The following NAALADL2 variants were observed in gnomAD, a reference collection of about 807,000 sequenced individuals.
The protein encoded by NAALADL2 is inactive N-acetylated-alpha-linked acidic dipeptidase-like protein 2.
NAALADL2 carries 76 observed loss-of-function variants against 87.2 expected under a neutral mutation model. The observed-to-expected ratio is 0.87, with a 90% CI of 0.72 to 1.05. The LOEUF is 1.05. Ranked by LOEUF, NAALADL2 falls within the 50% of genes least tolerant of loss-of-function variation. The probability of loss-of-function intolerance (pLI) is 0.00; values close to 1 mark genes in which losing one functional copy is unlikely to be tolerated. For synonymous variants in NAALADL2, 354 were observed against 331.0 expected, an observed-to-expected ratio of 1.07 and a Z score of -0.75; for missense variants, 1,089 against 945.8, an observed-to-expected ratio of 1.15 and a Z score of -1.99.
intron 2 of NAALADL2, among the ~76,000 whole-genome samples, chr3:175,200,804 A>G (rs1006605216): frequency 2.6e-5 from 4 of 152,318 alleles, no homozygotes; most frequent in Non-Finnish European, 2.9e-5. Context: ...TTTCTAAAAC[A>G]CAAAACAGGT....
chr3:174,845,186 C>T (rs899859124), intron 3 of NAALADL2, among the ~76,000 whole-genome samples: 2 of 152,178 alleles, frequency 1.3e-5, no homozygotes, highest in African/African-American at 2.4e-5. Context: ...GACTGAATGG[C>T]TGTGCAGGAC....
At chr3:175,765,152 A>G (rs1177838400) in intron 13 of NAALADL2, among the ~76,000 whole-genome samples, 1 of 152,170 alleles carries the variant, frequency 6.6e-6, no homozygotes, top group Non-Finnish European at 1.5e-5. Flanking sequence ...CTATGTATGC[A>G]TACAAAATTT....
At chr3:174,528,972 G>A (rs1338602027) in intron 1 of NAALADL2, among the ~76,000 whole-genome samples, 2 of 151,880 alleles carry the variant, frequency 1.3e-5, no homozygotes, top group Non-Finnish European at 1.5e-5. Flanking sequence ...CAAATCTCAC[G>A]TCCCCACATT....
chr3:175,803,119 G>A lies in NAALADL2; in HGVS notation c.2304G>A (p.Glu768=). The A allele has an allele frequency of 6.2e-7, 1 of 1,612,510 alleles. No homozygotes were observed. The highest frequency in any genetic ancestry group is 8.5e-7 in the Non-Finnish European group (1 of 1,179,018). The part of the protein sequence containing the change: ...SNETLQEALS[E]VLNSINSAQV... Reference sequence around the variant, plus strand: ...AGACCCTTCAAGAAGCCCTGTCAGAGGTGTTGAACAGCATTAATTCAGCTC... The same window carrying A: ...AGACCCTTCAAGAAGCCCTGTCAGAAGTGTTGAACAGCATTAATTCAGCTC... Residue 768 remains glutamate (E), a synonymous_variant, in exon 14 of 14, where the codon GAG becomes GAA. Coordinates refer to ENST00000454872, the MANE Select transcript of NAALADL2 (RefSeq NM_207015.3).
chr3:174,851,362 TAAAAA>T (rs34003047), intron 3 of NAALADL2, among the ~76,000 whole-genome samples: 10 of 107,844 alleles, frequency 9.3e-5, no homozygotes, highest in South Asian at 3.0e-4. Context: ...TCAGCCAGAC[TAAAAA>T]AAAAAAAAAA....
At chr3:175,744,489 A>G (rs1465211493) in intron 12 of NAALADL2, among the ~76,000 whole-genome samples, 1 of 152,254 alleles carries the variant, frequency 6.6e-6, no homozygotes, top group Non-Finnish European at 1.5e-5. Flanking sequence ...CCATATTAGA[A>G]AAAACAAGCA....
chr3:175,210,316 TAAAAAAAGA>T (rs2109256909), intron 2 of NAALADL2, among the ~76,000 whole-genome samples: 1 of 151,742 alleles, frequency 6.6e-6, no homozygotes, highest in Non-Finnish European at 1.5e-5. Context: ...TGGTAAGAAT[TAAAAAAAGA>T]AACATTCCAT....
chr3:175,426,313 C>T (rs1716776886), intron 5 of NAALADL2, among the ~76,000 whole-genome samples: 1 of 152,088 alleles, frequency 6.6e-6, no homozygotes. Context: ...CAGTGAGCCA[C>T]AATTTGGCCA....
At chr3:174,574,138 C>T (rs144150878) in intron 2 of NAALADL2, among the ~76,000 whole-genome samples, 36 of 152,310 alleles carry the variant, frequency 2.4e-4, no homozygotes, top group African/African-American at 7.7e-4. Flanking sequence ...AACTTCTACT[C>T]ATCTTCAAAC....
intron 1 of NAALADL2, among the ~76,000 whole-genome samples, chr3:174,963,982 T>G (rs1450016851): frequency 6.6e-6 from 1 of 152,080 alleles, no homozygotes; most frequent in East Asian, 1.9e-4. Context: ...GCATGGAATG[T>G]ACCATAATAA....
intron 2 of NAALADL2, among the ~76,000 whole-genome samples, chr3:175,201,202 C>G (rs1254879515): frequency 6.6e-6 from 1 of 152,072 alleles, no homozygotes; most frequent in African/African-American, 2.4e-5. Context: ...AACCCTTTCC[C>G]CAGGCAGATC....
intron 3 of NAALADL2, among the ~76,000 whole-genome samples, chr3:174,814,006 C>T (rs77553017): frequency 0.041 from 6,201 of 152,098 alleles, 131 homozygotes; most frequent in Middle Eastern, 0.095. Flanking sequence ...TATAATGATA[C>T]GTATTTCATA....
At chr3:175,472,636 G>T (rs368258908) in intron 9 of NAALADL2, among the ~76,000 whole-genome samples, 2 of 152,234 alleles carry the variant, frequency 1.3e-5, no homozygotes, top group African/African-American at 4.8e-5. Context: ...CATAATTTTT[G>T]ATTGAAGTGT....
intron 3 of NAALADL2, among the ~76,000 whole-genome samples, chr3:174,775,094 G>A (rs978708395): frequency 6.6e-6 from 1 of 151,978 alleles, no homozygotes; most frequent in Admixed American, 6.6e-5. Flanking sequence ...ACATAAAAAT[G>A]CTTTACTAGT....
intron 1 of NAALADL2, among the ~76,000 whole-genome samples, chr3:174,971,595 A>G (rs1377460524): frequency 2.0e-5 from 3 of 152,138 alleles, no homozygotes; most frequent in Non-Finnish European, 4.4e-5. Flanking sequence ...AAGAAACTGC[A>G]CAAAGAGCAG....
At chr3:175,661,052 A>G (rs2149811852) in intron 11 of NAALADL2, among the ~76,000 whole-genome samples, 1 of 152,134 alleles carries the variant, frequency 6.6e-6, no homozygotes, top group African/African-American at 2.4e-5. Context: ...TTCTATTTTT[A>G]GTTTTTTGAA....
intron 3 of NAALADL2, among the ~76,000 whole-genome samples, chr3:174,809,402 C>T (rs1005287718): frequency 6.6e-6 from 1 of 152,092 alleles, no homozygotes; most frequent in African/African-American, 2.4e-5. Context: ...ATAATATAGG[C>T]AAGAATCTAG....
At chr3:174,921,289 A>G (rs532719868) in intron 1 of NAALADL2, among the ~76,000 whole-genome samples, 1 of 152,324 alleles carries the variant, frequency 6.6e-6, no homozygotes, top group African/African-American at 2.4e-5. Flanking sequence ...ATTTTGCTGA[A>G]AATATGTGCT....
intron 2 of NAALADL2, among the ~76,000 whole-genome samples, chr3:175,116,871 G>A (rs1725296027): frequency 6.6e-6 from 1 of 152,060 alleles, no homozygotes; most frequent in Non-Finnish European, 1.5e-5. Context: ...ATACTACAAG[G>A]CCACAATAAC....
Sources: allele counts gnomAD v4.1 joint callset (sites outside exome capture counted in the v4.1 genomes callset), GRCh38; gene constraint gnomAD v4.1.1; transcripts MANE v1.5; gene names NCBI Gene and HGNC (gene_info 2026-07-23, HGNC 2026-07-21).